Variants in TIAM2 observed in about 807,000 individuals in gnomAD.
TIAM2 encodes the protein TIAM Rac1 associated GEF 2, also known as rho guanine nucleotide exchange factor TIAM2.
TIAM2 carries 80 observed loss-of-function variants against 152.9 expected under a neutral mutation model. That is an observed-to-expected ratio of 0.52 (90% CI 0.44 to 0.63). The LOEUF (loss-of-function observed/expected upper bound fraction) is 0.63, where lower values mean the gene tolerates loss of function less well. Among genes scored for constraint, TIAM2 ranks in the 30% least tolerant of loss-of-function variants. TIAM2 has a pLI of 0.00. For synonymous variants in TIAM2, 804 were observed against 838.0 expected, an observed-to-expected ratio of 0.96 and a Z score of 0.70; for missense variants, 1,965 against 2,120.1, an observed-to-expected ratio of 0.93 and a Z score of 1.44.
chr6:155,256,570 G>T lies in TIAM2; in HGVS notation c.4555G>T (p.Asp1519Tyr). The change falls in exon 27 of 27, where the codon GAC becomes TAC. Residue 1519 changes from aspartate (D) to tyrosine (Y), a missense_variant. Around this residue, in one of 3 missense-constraint regions of TIAM2, gnomAD observed 935 missense variants for 980.0 expected, o/e 0.95. Transcript: ENST00000682666. ...ETGKGTLLDS[D>Y]EGSLSSGTQS... is the part of the protein sequence containing the mutation. ...TGGCAAGGGAACCTTGCTGGACTCT[G>T]ACGAGGGCAGCTTGAGCAGCGGCAC... 1.2e-6 allele frequency: 2 copies of T among 1,614,228 alleles called. No homozygotes were observed. Among genetic ancestry groups the T allele is most frequent in the Non-Finnish European group, 1.7e-6 (2 of 1,180,026 alleles).
intron 1 of TIAM2, among the ~76,000 whole-genome samples, chr6:155,013,304 A>C (rs991885701): frequency 1.3e-5 from 2 of 152,088 alleles, no homozygotes; most frequent in African/African-American, 4.8e-5. Flanking sequence ...TGTGTTTGAT[A>C]ATCTGTAAGT....
intron 14 of TIAM2, 122 bp from the exon 15 acceptor site, chr6:155,211,082 T>C: frequency 1.5e-6 from 1 of 684,016 alleles, no homozygotes; most frequent in South Asian, 2.0e-5. Context: ...CATTCAGGAC[T>C]GCTCTGTACT....
intron 1 of TIAM2, among the ~76,000 whole-genome samples, chr6:155,018,548 G>T (rs112154489): frequency 1.3e-5 from 2 of 151,370 alleles, no homozygotes; most frequent in African/African-American, 4.9e-5. Context: ...GAACCAGGGG[G>T]GCGGAACTTT....
chr6:155,131,911 A>G (rs1233894470), intron 4 of TIAM2, among the ~76,000 whole-genome samples: 3 of 152,078 alleles, frequency 2.0e-5, no homozygotes, highest in Admixed American at 2.0e-4. Flanking sequence ...TCATGGAGAT[A>G]GCTAATGGCA....
At chr6:155,095,132 A>C (rs962884716) in intron 2 of TIAM2, among the ~76,000 whole-genome samples, 1 of 152,082 alleles carries the variant, frequency 6.6e-6, no homozygotes, top group Non-Finnish European at 1.5e-5. Flanking sequence ...ACTAAGTTCC[A>C]TTCTGCTTTT....
chr6:155,137,220 C>A lies in TIAM2; in HGVS notation c.1238C>A (p.Ser413Tyr), dbSNP rs1305429939. The A allele has an allele frequency of 6.2e-7, 1 of 1,614,136 alleles. No individual in the cohort carries two copies. The highest frequency in any genetic ancestry group is 8.5e-7 in the Non-Finnish European group (1 of 1,179,992). ...KEGSDYFDSRSDGLNTDVQGS... is the reference protein window; with the variant it reads ...KEGSDYFDSRYDGLNTDVQGS... The stretch of plus-strand genomic sequence containing the variant: ...GGCAGTGACTACTTTGACAGTCGCT[C>A]TGATGGACTGAATACAGATGTGCAG... Residue 413 changes from serine (S) to tyrosine (Y), a missense_variant, in exon 5 of 27, where the codon TCT becomes TAT. Coordinates refer to ENST00000682666, the MANE Select transcript of TIAM2 (RefSeq NM_012454.4).
At chr6:155,131,585 T>C (rs1779445841) in intron 4 of TIAM2, among the ~76,000 whole-genome samples, 1 of 152,000 alleles carries the variant, frequency 6.6e-6, no homozygotes, top group Non-Finnish European at 1.5e-5. Context: ...TCTTTTTTTT[T>C]TTTCTTTTTT....
chr6:155,078,063 T>A (rs79661155), intron 1 of TIAM2, among the ~76,000 whole-genome samples: 1 of 152,068 alleles, frequency 6.6e-6, no homozygotes, highest in Non-Finnish European at 1.5e-5. Context: ...CTTTCCAACT[T>A]GACTTTTTTT....
intron 1 of TIAM2, among the ~76,000 whole-genome samples, chr6:155,069,911 C>CCTTT (rs1777796790): frequency 8.0e-6 from 1 of 125,654 alleles, no homozygotes; most frequent in Non-Finnish European, 1.7e-5. Flanking sequence ...CATTTCTTTT[C>CCTTT]TTTTTTTTTT....
intron 1 of TIAM2, among the ~76,000 whole-genome samples, chr6:155,047,705 GC>G (rs1420819550): frequency 2.3e-3 from 54 of 23,902 alleles, no homozygotes; most frequent in African/African-American, 0.01. Flanking sequence ...GAGAGAGAGA[GC>G]GAGAGAGAGA....
chr6:155,155,406 T>G (rs991641914), intron 7 of TIAM2, among the ~76,000 whole-genome samples: 8 of 152,194 alleles, frequency 5.3e-5, no homozygotes, highest in Non-Finnish European at 8.8e-5. Flanking sequence ...CCTCAACTGA[T>G]CCGCCTGCCT....
intron 1 of TIAM2, among the ~76,000 whole-genome samples, chr6:155,018,320 T>C (rs1778634736): frequency 6.6e-6 from 1 of 152,094 alleles, no homozygotes; most frequent in African/African-American, 2.4e-5. Context: ...GCTTCTTATT[T>C]TTTTCAATAT....
rs1008490965 is a variant in TIAM2 at position 155,047,397 on chromosome 6, C to G, written c.-208-42892C>G. ...GTTTTGCCATGTTGGTCAGGCTGGT[C>G]TCGAACTCCTGACCTCAAGTGATCC... On this transcript the variant is annotated intron_variant, in intron 1 of 26. Coordinates refer to ENST00000682666, the MANE Select transcript of TIAM2 (RefSeq NM_012454.4). Among the ~76,000 whole-genome samples, 32 of 152,142 alleles carry G rather than the reference C, an allele frequency of 2.1e-4. 1 individual carries two copies. Among genetic ancestry groups the G allele is most frequent in the Admixed American group, 2.1e-3 (32 of 15,270 alleles).
At chr6:155,082,620 G>A (rs148425079) in intron 1 of TIAM2, among the ~76,000 whole-genome samples, 3,996 of 149,850 alleles carry the variant, frequency 0.027, 184 homozygotes, top group Admixed American at 0.13. Flanking sequence ...ATTGCACTCC[G>A]GCCTGGGCAA....
At chr6:155,233,973 A>C (rs1782602375) in intron 15 of TIAM2, among the ~76,000 whole-genome samples, 1 of 143,700 alleles carries the variant, frequency 7.0e-6, no homozygotes, top group South Asian at 2.4e-4. Context: ...AAAAAAACAA[A>C]ACAAAAACAA....
rs567479415 is a variant in TIAM2, at chr6:155,028,307, G to C, written c.-209+32815G>C. On this transcript the variant is annotated intron_variant, in intron 1 of 26. Coordinates refer to ENST00000682666, the MANE Select transcript of TIAM2 (RefSeq NM_012454.4). ...TGTGTTACATATATACTACATATAT[G>C]TACTGTGTTACATATATACTACATA... is the stretch of plus-strand genomic sequence containing the variant. Among the ~76,000 whole-genome samples, 8 of 87,036 alleles carry C rather than the reference G, an allele frequency of 9.2e-5. 2 individuals are homozygous for C. Among genetic ancestry groups the C allele is most frequent in the African/African-American group, 4.4e-4 (8 of 18,198 alleles). The allele number at this position is 87,036 out of a possible 152,430, so 57.1% of individuals were successfully genotyped here.
At chr6:155,021,488 C>CT (rs934900628) in intron 1 of TIAM2, among the ~76,000 whole-genome samples, 22 of 152,152 alleles carry the variant, frequency 1.4e-4, no homozygotes, top group African/African-American at 5.1e-4. Context: ...TCTCAAACTC[C>CT]TGACCTCATG....
At position 155,250,117 on chromosome 6, in the gene TIAM2, C is replaced by T; in HGVS notation, c.3951+148C>T. On this transcript the variant is annotated intron_variant, in intron 21 of 26. Coordinates refer to ENST00000682666, the MANE Select transcript of TIAM2 (RefSeq NM_012454.4). Reference sequence around the variant, plus strand: ...ATAACAATGTGTCTAATGAACTACACAATTTACATATAGACATATCATAAA... The same window carrying T: ...ATAACAATGTGTCTAATGAACTACATAATTTACATATAGACATATCATAAA... 3 of 593,858 alleles carry T rather than the reference C, an allele frequency of 5.1e-6. No homozygotes were observed. The South Asian group carries it at 6.9e-5, about 14-fold the overall frequency. 36.8% of individuals were successfully genotyped at this position (593,858 alleles called of 1,614,324 possible).
Position 155,215,721 on chromosome 6 carries a change from T to A in TIAM2, c.3168+4414T>A, listed in dbSNP as rs534101735. 5.5e-4 allele frequency among the ~76,000 whole-genome samples: 71 copies of A among 128,338 alleles called. 1 individual carries two copies. In the East Asian group the frequency reaches 0.011, roughly 20 times the overall value. The allele number at this position is 128,338 out of a possible 152,430, so 84.2% of individuals were successfully genotyped here. On this transcript the variant is annotated intron_variant, in intron 15 of 26. Transcript: ENST00000682666. Reference sequence around the variant, plus strand: ...GTTCCGTGGTTTTTTTAAAAAAAAATTTTAAATTTTTTTTTTTTTTTTGGA... The same window carrying A: ...GTTCCGTGGTTTTTTTAAAAAAAAAATTTAAATTTTTTTTTTTTTTTTGGA...
Sources: gnomAD v4.1 joint callset for allele counts (sites outside exome capture counted in the v4.1 genomes callset) on GRCh38, gnomAD v4.1.1 for gene constraint, gnomAD v4.1.1 regional missense constraint, MANE v1.5 for transcripts, NCBI Gene and HGNC (gene_info 2026-07-23, HGNC 2026-07-21) for gene names.